Variants in CFAP61 observed in about 807,000 individuals in gnomAD.
The protein encoded by CFAP61 is cilia and flagella associated protein 61.
CFAP61 carries 107 observed loss-of-function variants against 135.6 expected under a neutral mutation model. That is an observed-to-expected ratio of 0.79 (90% CI 0.67 to 0.93). CFAP61 has a LOEUF of 0.93. CFAP61 is among the 40% of genes least tolerant of loss of function. The pLI is 0.00. For synonymous variants in CFAP61, 575 were observed against 578.5 expected, an observed-to-expected ratio of 0.99 and a Z score of 0.09; for missense variants, 1,507 against 1,556.2, an observed-to-expected ratio of 0.97 and a Z score of 0.53.
Position 20,360,623 on chromosome 20 carries a change from C to G in CFAP61, c.*213C>G, listed in dbSNP as rs556717416. The G allele has an allele frequency of 1.9e-5, 11 of 574,556 alleles. No individual in the cohort carries two copies. The highest frequency in any genetic ancestry group is 4.6e-4 in the Middle Eastern group (1 of 2,170). 35.6% of individuals were successfully genotyped at this position (574,556 alleles called of 1,614,324 possible). ...GTGTGCCTCTCTTCTGGGGCAGGCT[C>G]GCTTTACAAATCCCAGGCATGTTCC... On this transcript the variant is annotated 3_prime_UTR_variant, in exon 27 of 27. Coordinates refer to ENST00000245957, the MANE Select transcript of CFAP61 (RefSeq NM_015585.4).
intron 11 of CFAP61, 49 bp downstream of exon 11, chr20:20,164,277 C>T (rs766208333): frequency 2.0e-6 from 3 of 1,533,886 alleles, no homozygotes; most frequent in African/African-American, 1.4e-5. Flanking sequence ...TCTTTTCTGG[C>T]ATTGGTGGCC....
At chr20:20,100,954 T>C (rs2047979640) in intron 8 of CFAP61, among the ~76,000 whole-genome samples, 1 of 152,226 alleles carries the variant, frequency 6.6e-6, no homozygotes, top group Non-Finnish European at 1.5e-5. Flanking sequence ...AAACTTATCT[T>C]CTGTGCCTTG....
chr20:20,321,720 C>T (rs2057528189), intron 25 of CFAP61, among the ~76,000 whole-genome samples: 1 of 152,164 alleles, frequency 6.6e-6, no homozygotes, highest in African/African-American at 2.4e-5. Context: ...GTACGTTGGT[C>T]CCAACTCCAG....
intron 25 of CFAP61, among the ~76,000 whole-genome samples, chr20:20,324,454 T>C (rs1329563556): frequency 6.6e-6 from 1 of 152,232 alleles, no homozygotes; most frequent in Non-Finnish European, 1.5e-5. Context: ...TCACTCTTTT[T>C]AATGGCTTTT....
intron 9 of CFAP61, among the ~76,000 whole-genome samples, chr20:20,145,682 A>G (rs1429666917): frequency 6.6e-6 from 1 of 152,198 alleles, no homozygotes; most frequent in Non-Finnish European, 1.5e-5. Context: ...TAAAGAATGG[A>G]AAAGGATACA....
intron 8 of CFAP61, among the ~76,000 whole-genome samples, chr20:20,134,542 G>A (rs902899595): frequency 4.6e-5 from 7 of 152,178 alleles, no homozygotes; most frequent in Non-Finnish European, 1.0e-4. Context: ...TCAGTTTCTA[G>A]TTCACAGGAA....
chr20:20,177,818 TTA>T (rs72170469), intron 13 of CFAP61, among the ~76,000 whole-genome samples: 136,628 of 151,340 alleles, frequency 0.9, 62,488 homozygotes, highest in Middle Eastern at 0.99. Flanking sequence ...GGGCTGCCAT[TTA>T]TTGCCTAGGG....
At chr20:20,341,723 T>G in intron 25 of CFAP61, 108 bp from the exon 26 acceptor site, 1 of 689,156 alleles carries the variant, frequency 1.5e-6, no homozygotes, top group Non-Finnish European at 2.5e-6. Context: ...AGCAAACGAT[T>G]GCAATGAGGC....
intron 13 of CFAP61, among the ~76,000 whole-genome samples, chr20:20,186,384 G>A (rs2055499885): frequency 6.6e-6 from 1 of 152,180 alleles, no homozygotes; most frequent in South Asian, 2.1e-4. Flanking sequence ...ATAGTGTTCT[G>A]TTGTATGTAT....
chr20:20,291,539 A>ATCCTCTATTG, intron 24 of CFAP61, among the ~76,000 whole-genome samples: 1 of 152,310 alleles, frequency 6.6e-6, no homozygotes. Flanking sequence ...GTCTGGTTGT[A>ATCCTCTATTG]TCGGTTTATT....
intron 8 of CFAP61, 76 bp from the exon 9 acceptor site, chr20:20,142,781 A>G (rs2051514379): frequency 3.7e-6 from 3 of 810,522 alleles, no homozygotes; most frequent in Non-Finnish European, 6.2e-6. Flanking sequence ...CCATGTGACC[A>G]TGCTGTCTAA....
At chr20:20,356,317 G>A (rs1172003523) in intron 26 of CFAP61, among the ~76,000 whole-genome samples, 2 of 141,580 alleles carry the variant, frequency 1.4e-5, no homozygotes, top group African/African-American at 5.2e-5. Flanking sequence ...TCACACTGAG[G>A]GGAAGTGGTC....
intron 2 of CFAP61, among the ~76,000 whole-genome samples, chr20:20,063,171 G>A (rs13043489): frequency 0.11 from 17,330 of 152,000 alleles, 1,340 homozygotes; most frequent in Middle Eastern, 0.23. Context: ...GATTGGGTAT[G>A]TCCCAAATAA....
intron 25 of CFAP61, among the ~76,000 whole-genome samples, chr20:20,334,991 A>C (rs6046802): frequency 0.31 from 47,155 of 152,058 alleles, 7,470 homozygotes; most frequent in South Asian, 0.42. Context: ...TTGTACTGAA[A>C]TGCATGAATT....
chr20:20,188,110 T>G, intron 14 of CFAP61, 54 bp downstream of exon 14: 1 of 1,593,458 alleles, frequency 6.3e-7, no homozygotes, highest in South Asian at 1.1e-5. Context: ...TGATGACCCA[T>G]GTAGATTCAG....
intron 22 of CFAP61, among the ~76,000 whole-genome samples, chr20:20,281,555 G>A (rs1239013968): frequency 6.6e-6 from 1 of 152,082 alleles, no homozygotes; most frequent in African/African-American, 2.4e-5. Context: ...TACGTTGATC[G>A]ATTTTTGAAA....
At chr20:20,176,693 G>C (rs922475593) in intron 13 of CFAP61, among the ~76,000 whole-genome samples, 2 of 152,008 alleles carry the variant, frequency 1.3e-5, no homozygotes, top group African/African-American at 4.8e-5. Flanking sequence ...CGGGAGCGGG[G>C]AACAACACAC....
At chr20:20,246,374 T>C (rs2050459566) in intron 19 of CFAP61, among the ~76,000 whole-genome samples, 159 bp downstream of exon 19, 1 of 152,218 alleles carries the variant, frequency 6.6e-6, no homozygotes, top group African/African-American at 2.4e-5. Context: ...AGTACCAGTG[T>C]GTTCACAAGC....
At chr20:20,262,165 G>A (rs1488081032) in intron 20 of CFAP61, among the ~76,000 whole-genome samples, 1 of 152,112 alleles carries the variant, frequency 6.6e-6, no homozygotes, top group Non-Finnish European at 1.5e-5. Flanking sequence ...TCCTCTTCCA[G>A]AGCCTTGCCC....
Sources: allele counts gnomAD v4.1 joint callset (sites outside exome capture counted in the v4.1 genomes callset), GRCh38; gene constraint gnomAD v4.1.1; transcripts MANE v1.5; gene names NCBI Gene and HGNC (gene_info 2026-07-23, HGNC 2026-07-21).